KCNH1: variants seen among roughly 807,000 people sequenced by gnomAD.
The protein encoded by KCNH1 is voltage-gated delayed rectifier potassium channel KCNH1.
A neutral mutation model predicts 69.2 loss-of-function variants in KCNH1; 27 were observed. That is an observed-to-expected ratio of 0.39 (90% CI 0.29 to 0.54). The LOEUF (loss-of-function observed/expected upper bound fraction) is 0.54. KCNH1 is among the 20% of genes least tolerant of loss of function. KCNH1 has a pLI of 0.68. For synonymous variants in KCNH1, 456 were observed against 487.7 expected (o/e 0.93, Z 0.86); for missense variants, 798 against 1,261.6 (o/e 0.63, Z 5.57).
rs201384583 is a variant in KCNH1, at chr1:211,115,701, CTA to C, written c.80-8326_80-8325del. 4.7e-4 allele frequency among the ~76,000 whole-genome samples: 33 copies of C among 70,768 alleles called. 1 individual carries two copies. The South Asian group carries it at 6.4e-3, about 14-fold the overall frequency. 46.4% of individuals were successfully genotyped at this position (70,768 alleles called of 152,430 possible). A position where few individuals can be genotyped will look rare whatever the true frequency, so the allele number is the denominator to read the frequency against. ...GTAAGTTAATACTTAATAAACTCCC[CTA>C]TATATATATATATGTATATATATAT... is the stretch of plus-strand genomic sequence containing the variant. On this transcript the variant is annotated intron_variant, in intron 1 of 10. Coordinates refer to ENST00000271751, the MANE Select transcript of KCNH1 (RefSeq NM_172362.3).
At chr1:211,062,572 T>C (rs1489426815) in intron 5 of KCNH1, among the ~76,000 whole-genome samples, 1 of 152,124 alleles carries the variant, frequency 6.6e-6, no homozygotes, top group African/African-American at 2.4e-5. Flanking sequence ...TGACAAGGGA[T>C]TAATAACCAT....
chr1:210,843,696 C>A (rs1308078270), intron 7 of KCNH1, among the ~76,000 whole-genome samples: 2 of 152,120 alleles, frequency 1.3e-5, no homozygotes, highest in Non-Finnish European at 2.9e-5. Flanking sequence ...TAGAAAGGAG[C>A]ACAGCATTAA....
rs750302560 is a variant in KCNH1 at position 210,684,070 on chromosome 1, G to T, written c.2181C>A (p.Ala727=). The part of the protein sequence containing the change: ...EEERMKRKNE[A]PLILPPDHPV... ...GGTGGTCCGGGGGCAAGATCAGGGG[G>T]GCCTCATTCTTTCGTTTCATGCGTT... The change falls in exon 11 of 11, where the codon GCC becomes GCA. Residue 727 remains alanine, a synonymous_variant. Transcript: ENST00000271751. The T allele has an allele frequency of 1.2e-5, 19 of 1,522,296 alleles. No homozygotes were observed. The highest frequency in any genetic ancestry group is 1.7e-5 in the Non-Finnish European group (19 of 1,135,446). 94.3% of individuals were successfully genotyped at this position (1,522,296 alleles called of 1,614,324 possible). A position where few individuals can be genotyped will look rare whatever the true frequency, so the allele number is the denominator to read the frequency against.
intron 7 of KCNH1, among the ~76,000 whole-genome samples, chr1:210,842,638 T>A (rs1685435590): frequency 1.3e-5 from 2 of 152,142 alleles, no homozygotes; most frequent in African/African-American, 4.8e-5. Context: ...ATAAAACAGC[T>A]GAGTTTTAAG....
chr1:210,789,505 G>A (rs929550482), intron 9 of KCNH1, among the ~76,000 whole-genome samples: 5 of 152,098 alleles, frequency 3.3e-5, no homozygotes, highest in Admixed American at 1.3e-4. Flanking sequence ...AAATAATGCT[G>A]TCAAGACATC....
chr1:211,094,779 A>G (rs1467419388), intron 3 of KCNH1, among the ~76,000 whole-genome samples: 1 of 152,246 alleles, frequency 6.6e-6, no homozygotes, highest in Non-Finnish European at 1.5e-5. Flanking sequence ...GAAAGTGAGT[A>G]GAATGGGCTT....
intron 7 of KCNH1, among the ~76,000 whole-genome samples, chr1:210,834,100 G>A (rs1392112405): frequency 6.6e-6 from 1 of 152,080 alleles, no homozygotes; most frequent in African/African-American, 2.4e-5. Context: ...CTGTAAACTA[G>A]TTCAACCATT....
chr1:211,061,295 T>C (rs1486211576), intron 5 of KCNH1, among the ~76,000 whole-genome samples: 1 of 151,884 alleles, frequency 6.6e-6, no homozygotes, highest in African/African-American at 2.4e-5. Flanking sequence ...AGAAACTAGA[T>C]AGAGAAGGAA....
At chr1:210,870,344 G>C (rs1386013754) in intron 7 of KCNH1, among the ~76,000 whole-genome samples, 1 of 152,066 alleles carries the variant, frequency 6.6e-6, no homozygotes, top group Non-Finnish European at 1.5e-5. Context: ...CTGTCTCAGT[G>C]ATGTGCAATA....
chr1:210,780,813 C>T (rs868357692), intron 9 of KCNH1, among the ~76,000 whole-genome samples: 7 of 151,998 alleles, frequency 4.6e-5, no homozygotes, highest in African/African-American at 7.2e-5. Context: ...TTTGGGAGGC[C>T]GAGGCGGGCA....
At chr1:210,942,382 A>C (rs1448556573) in intron 6 of KCNH1, among the ~76,000 whole-genome samples, 1 of 152,134 alleles carries the variant, frequency 6.6e-6, no homozygotes, top group Non-Finnish European at 1.5e-5. Context: ...CGAGCTTCAC[A>C]TCTTCACCTA....
intron 6 of KCNH1, among the ~76,000 whole-genome samples, chr1:210,923,604 C>G (rs1687507838): frequency 5.3e-5 from 8 of 152,244 alleles, no homozygotes; most frequent in Admixed American, 5.2e-4. Flanking sequence ...GAATGCTCAG[C>G]ATTCCTGTTT....
At chr1:210,860,874 T>C in intron 7 of KCNH1, 1 of 917,614 alleles carries the variant, frequency 1.1e-6, no homozygotes, top group Non-Finnish European at 1.8e-6. Flanking sequence ...TCATGTAGCC[T>C]AGTTCACTGC....
At chr1:210,721,567 A>C (rs556432728) in intron 10 of KCNH1, among the ~76,000 whole-genome samples, 1 of 152,336 alleles carries the variant, frequency 6.6e-6, no homozygotes, top group Non-Finnish European at 1.5e-5. Flanking sequence ...ATTCTCCCTC[A>C]ATGGAGAAAC....
intron 6 of KCNH1, among the ~76,000 whole-genome samples, chr1:210,970,463 C>T (rs528111772): frequency 3.9e-5 from 6 of 152,010 alleles, no homozygotes; most frequent in African/African-American, 1.2e-4. Context: ...TCCATGTCCC[C>T]GCAAAGGACA....
At chr1:210,951,480 C>T (rs531078891) in intron 6 of KCNH1, among the ~76,000 whole-genome samples, 2 of 152,274 alleles carry the variant, frequency 1.3e-5, no homozygotes, top group South Asian at 2.1e-4. Flanking sequence ...ACTCCTCTGG[C>T]GTTTAGCTAT....
At chr1:210,696,911 C>T (rs531532492) in intron 10 of KCNH1, among the ~76,000 whole-genome samples, 1 of 152,316 alleles carries the variant, frequency 6.6e-6, no homozygotes, top group African/African-American at 2.4e-5. Context: ...CAACTGTGGT[C>T]TTGGGTGAAA....
chr1:210,821,686 T>C (rs924711843), intron 7 of KCNH1, among the ~76,000 whole-genome samples: 1 of 152,102 alleles, frequency 6.6e-6, no homozygotes, highest in African/African-American at 2.4e-5. Context: ...AGCAGTACAC[T>C]CCAGCTAAAA....
intron 10 of KCNH1, among the ~76,000 whole-genome samples, chr1:210,709,205 T>C (rs113658781): frequency 0.038 from 5,812 of 152,292 alleles, 178 homozygotes; most frequent in Admixed American, 0.087. Context: ...GCTGAGATTG[T>C]ACCACTGCAC....
Sources: gnomAD v4.1 joint callset for allele counts (sites outside exome capture counted in the v4.1 genomes callset) on GRCh38, gnomAD v4.1.1 for gene constraint, MANE v1.5 for transcripts, NCBI Gene and HGNC (gene_info 2026-07-23, HGNC 2026-07-21) for gene names.